The following MIOS variants were observed in gnomAD, a reference collection of about 807,000 sequenced individuals.
MIOS encodes GATOR2 complex protein MIOS.
MIOS carries 52 observed loss-of-function variants against 96.9 expected under a neutral mutation model. That is an observed-to-expected ratio of 0.54 (90% CI 0.43 to 0.68). The LOEUF (loss-of-function observed/expected upper bound fraction) is 0.68, where lower values mean the gene tolerates loss of function less well. Among genes scored for constraint, MIOS ranks in the 30% least tolerant of loss-of-function variants. The pLI is 0.00. For missense variants in MIOS, 1,005 were observed against 1,052.8 expected (o/e 0.95, Z 0.63); for synonymous variants, 397 against 359.5 (o/e 1.10, Z -1.18).
In MIOS at chr7:7,588,571, C is replaced by G. The variant is rs1783957383; in HGVS notation, c.1884+8C>G. 1 of 1,558,048 alleles carries G rather than the reference C, an allele frequency of 6.4e-7. No homozygotes were observed. Among genetic ancestry groups the G allele is most frequent in the East Asian group, 2.3e-5 (1 of 43,652 alleles). ...TTCCTTAGTGATACTCAGGTGAAAA[C>G]TGATTTAATTCCACATTTGAAGTAA... On this transcript the variant is annotated splice_region_variant and intron_variant, in intron 8 of 12. Coordinates refer to ENST00000340080, the MANE Select transcript of MIOS (RefSeq NM_019005.4).
chr7:7,574,848 G>A (rs908290917), intron 5 of MIOS, among the ~76,000 whole-genome samples: 1 of 151,954 alleles, frequency 6.6e-6, no homozygotes, highest in Non-Finnish European at 1.5e-5. Context: ...TGAATAATGG[G>A]TTATATTAGA....
intron 11 of MIOS, among the ~76,000 whole-genome samples, chr7:7,598,940 TTA>T (rs1166192966): frequency 3.9e-5 from 6 of 152,078 alleles, no homozygotes; most frequent in Admixed American, 2.0e-4. Flanking sequence ...AATAATTTCT[TTA>T]TATATATAAT....
rs2051910 is a variant in MIOS at position 7,607,557 on chromosome 7, C to T, written c.*465C>T. 148,012 of 153,396 alleles carry T rather than the reference C, an allele frequency of 0.96. 71,439 individuals are homozygous for T. The highest frequency in any genetic ancestry group is 1 in the East Asian group (5,200 of 5,202). 9.5% of individuals were successfully genotyped at this position (153,396 alleles called of 1,614,324 possible). A position where few individuals can be genotyped will look rare whatever the true frequency, so the allele number is the denominator to read the frequency against. On this transcript the variant is annotated 3_prime_UTR_variant, in exon 13 of 13. Transcript: ENST00000340080. ...TTTCTTTCAGATTAATTTAAAATTA[C>T]AGATTTTTACTTTTAGAATTGCAGA...
chr7:7,584,516 A>G (rs1003301282), intron 6 of MIOS, among the ~76,000 whole-genome samples: 3 of 152,192 alleles, frequency 2.0e-5, no homozygotes, highest in African/African-American at 7.2e-5. Context: ...ATTGTTCTAT[A>G]CAAAATCCAA....
chr7:7,606,197 C>G (rs1287384575), intron 12 of MIOS, 126 bp downstream of exon 12: 3 of 1,245,800 alleles, frequency 2.4e-6, no homozygotes, highest in African/African-American at 1.5e-5. Flanking sequence ...TACTGTCACT[C>G]ATGTTAACAA....
rs1783861761 is a variant in MIOS at position 7,585,519 on chromosome 7, G to A, written c.1649-117G>A. On this transcript the variant is annotated intron_variant, in intron 6 of 12. Coordinates refer to ENST00000340080, the MANE Select transcript of MIOS (RefSeq NM_019005.4). ...GAGCAGCCCAAAACCCTTATTCTCT[G>A]AGCTCATTTTTCTGAGGGTAAAAGT... 3 of 837,526 alleles carry A rather than the reference G, an allele frequency of 3.6e-6. No individual in the cohort carries two copies. In the Admixed American group the frequency reaches 9.8e-5, roughly 27 times the overall value. 51.9% of individuals were successfully genotyped at this position (837,526 alleles called of 1,614,324 possible).
chr7:7,608,977 A>G (rs10229961), downstream of MIOS: 147,262 of 152,136 alleles, frequency 0.97, 71,297 homozygotes, highest in East Asian at 1. Flanking sequence ...TTCAGTGTGC[A>G]TGGACAATCA....
chr7:7,597,517 T>TATATATATATATAAAAA (rs372634070), intron 11 of MIOS, among the ~76,000 whole-genome samples: 2 of 70,428 alleles, frequency 2.8e-5, no homozygotes, highest in Non-Finnish European at 5.5e-5. Flanking sequence ...TATATATATA[T>TATATATATATATAAAAA]GAAGGCAATA....
At chr7:7,574,067 C>A in intron 4 of MIOS, 31 bp from the exon 5 acceptor site, 1 of 1,438,608 alleles carries the variant, frequency 7.0e-7, no homozygotes, top group Non-Finnish European at 9.6e-7. Flanking sequence ...TATTGTCATG[C>A]ATCACTAGTA....
At position 7,573,741 on chromosome 7, in the gene MIOS, G is replaced by A; in HGVS notation, c.1266G>A (p.Gln422=). The change falls in exon 4 of 13, where the codon CAG becomes CAA. Residue 422 remains glutamine, a synonymous_variant. Transcript: ENST00000340080. This position sits in a 1 kb window ranked among gnomAD's most constrained non-coding sequence, Gnocchi z 5.0. The part of the protein sequence containing the change: ...NHILAGNEDP[Q]LKSLWYTLHF... Reference sequence around the variant, plus strand: ...TTTTAGCTGGAAATGAAGATCCACAGCTCAAGTCACTCTGGTATACTCTGC... The same window carrying A: ...TTTTAGCTGGAAATGAAGATCCACAACTCAAGTCACTCTGGTATACTCTGC... 6.2e-7 allele frequency: 1 copy of A among 1,610,226 alleles called. No individual in the cohort carries two copies. The highest frequency in any genetic ancestry group is 8.5e-7 in the Non-Finnish European group (1 of 1,177,888).
In MIOS at chr7:7,588,319, C is replaced by A. The variant is rs1038920234; in HGVS notation, c.1819-179C>A. 2.6e-5 allele frequency among the ~76,000 whole-genome samples: 4 copies of A among 152,138 alleles called. No homozygotes were observed. The East Asian group carries it at 7.7e-4, about 29-fold the overall frequency. On this transcript the variant is annotated intron_variant, in intron 7 of 12. Transcript: ENST00000340080. ...GGACAAAACCTTATTGCTGAATTTC[C>A]TAAGAGTTACATCAAGAAAGGCATC...
At position 7,573,222 on chromosome 7, in the gene MIOS, A is replaced by G. The variant is rs367954045; in HGVS notation, c.747A>G (p.Ala249=). The change falls in exon 4 of 13, where the codon GCA becomes GCG. Residue 249 remains alanine (A), a synonymous_variant. Transcript: ENST00000340080. The surrounding 1 kb of genome is among the most constrained non-coding windows in gnomAD (Gnocchi z 5.0). ...CTTCCTTCTATGAAGGTCAGGTTGC[A>G]ATATGGGATCTTAGAAAATTTGAGA... ...RVASFYEGQV[A]IWDLRKFEKP... 9.2e-5 allele frequency: 149 copies of G among 1,614,168 alleles called. 2 individuals carry two copies. In the South Asian group the frequency reaches 1.6e-3, roughly 17 times the overall value.
intron 9 of MIOS, among the ~76,000 whole-genome samples, chr7:7,593,257 A>G (rs747735358): frequency 1.7e-4 from 26 of 152,160 alleles, no homozygotes; most frequent in Non-Finnish European, 3.1e-4. Context: ...CTACTTTTTT[A>G]AGAAATGAAA....
At position 7,573,955 on chromosome 7, in the gene MIOS, G is replaced by C; in HGVS notation, c.1295-143G>C. On this transcript the variant is annotated intron_variant, in intron 4 of 12. Transcript: ENST00000340080. The surrounding 1 kb of genome is among the most constrained non-coding windows in gnomAD (Gnocchi z 5.0). The stretch of plus-strand genomic sequence containing the variant: ...AAATACTGCTTTGTAGATTGTGTAG[G>C]AGGAAGAAAAGTGTATCTCTGCAAT... 1.1e-6 allele frequency: 1 copy of C among 881,116 alleles called. No homozygotes were observed. The highest frequency in any genetic ancestry group is 1.8e-5 in the South Asian group (1 of 54,064). The allele number at this position is 881,116 out of a possible 1,614,324, so 54.6% of individuals were successfully genotyped here.
Position 7,572,286 on chromosome 7 carries a change from G to T in MIOS, c.-40-150G>T. 4.6e-6 allele frequency: 2 copies of T among 439,454 alleles called. No homozygotes were observed. Among genetic ancestry groups the T allele is most frequent in the South Asian group, 7.0e-5 (1 of 14,198 alleles). 27.2% of individuals were successfully genotyped at this position (439,454 alleles called of 1,614,324 possible). On this transcript the variant is annotated intron_variant, in intron 3 of 12. Coordinates refer to ENST00000340080, the MANE Select transcript of MIOS (RefSeq NM_019005.4). The surrounding 1 kb of genome is among the most constrained non-coding windows in gnomAD (Gnocchi z 4.8). Reference sequence around the variant, plus strand: ...CTTTTTTTTCAATAAATATTTTCTTGAATTCATAGCAGATAGAGAGAAGAA... The same window carrying T: ...CTTTTTTTTCAATAAATATTTTCTTTAATTCATAGCAGATAGAGAGAAGAA...
rs1161875893 is a variant in MIOS, at chr7:7,597,344, TG to T, written c.2401+884del. Among the ~76,000 whole-genome samples the T allele has an allele frequency of 3.0e-3, 439 of 146,264 alleles. 5 individuals are homozygous for T. Among genetic ancestry groups the T allele is most frequent in the African/African-American group, 0.01 (414 of 40,014 alleles). ...CTGTCCTAAATTTAAAAAAAAAAAA[TG>T]TTTTTAATTAAAAAATAATAATAAA... On this transcript the variant is annotated intron_variant, in intron 11 of 12. Coordinates refer to ENST00000340080, the MANE Select transcript of MIOS (RefSeq NM_019005.4).
intron 11 of MIOS, among the ~76,000 whole-genome samples, chr7:7,602,712 TG>T (rs1186689402): frequency 2.6e-5 from 4 of 152,052 alleles, no homozygotes; most frequent in African/African-American, 9.7e-5. Context: ...TTCACAGAAT[TG>T]AAAAAAACTA....
Position 7,589,389 on chromosome 7 carries a change from A to T in MIOS, c.1885-16A>T, listed in dbSNP as rs1243855377. The stretch of plus-strand genomic sequence containing the variant: ...TGAAACAGATTGCTTTAGAAAAATC[A>T]CTTTAAATTTTCCAGTTAAATAGAT... On this transcript the variant is annotated splice_polypyrimidine_tract_variant and intron_variant, in intron 8 of 12. Transcript: ENST00000340080. 3 of 1,610,258 alleles carry T rather than the reference A, an allele frequency of 1.9e-6. No homozygotes were observed. Among genetic ancestry groups the T allele is most frequent in the Non-Finnish European group, 2.5e-6 (3 of 1,177,564 alleles).
At chr7:7,583,513 C>T in intron 6 of MIOS, 141 bp downstream of exon 6, 1 of 960,824 alleles carries the variant, frequency 1.0e-6, no homozygotes, top group Non-Finnish European at 1.5e-6. Context: ...GGAGAAAACA[C>T]AGCAGTATAT....
Sources: gnomAD v4.1 joint callset for allele counts (sites outside exome capture counted in the v4.1 genomes callset) on GRCh38, gnomAD v4.1.1 for gene constraint, Gnocchi (gnomAD v3.1) non-coding constraint, MANE v1.5 for transcripts, NCBI Gene and HGNC (gene_info 2026-07-23, HGNC 2026-07-21) for gene names.